NDUFC1: variants seen among roughly 807,000 people sequenced by gnomAD.
The protein encoded by NDUFC1 is NADH:ubiquinone oxidoreductase subunit C1, also known as NADH dehydrogenase [ubiquinone] 1 subunit C1, mitochondrial.
In NDUFC1, 11 loss-of-function variants were observed where a neutral mutation model predicts 11.6. The observed-to-expected ratio is 0.95, with a 90% confidence interval of 0.60 to 1.58. The LOEUF (loss-of-function observed/expected upper bound fraction) is 1.58, where lower values mean the gene tolerates loss of function less well. NDUFC1 is among the 40% of genes most tolerant of loss of function. NDUFC1 has a pLI of 0.00. For missense variants in NDUFC1, 112 were observed against 93.0 expected (o/e 1.20, Z -0.84); for synonymous variants, 52 against 42.2 (o/e 1.23, Z -0.90).
chr4:139,292,490 A>G (rs1220028062), intron 5 of NDUFC1, 40 bp downstream of exon 5: 2 of 1,005,852 alleles, frequency 2.0e-6, no homozygotes, highest in Admixed American at 2.5e-5. Flanking sequence ...GGTCAAGTTA[A>G]TTTGCATAAT....
Position 139,292,730 on chromosome 4 carries a change from T to G in NDUFC1, c.172-121A>C, listed in dbSNP as rs1477096830. 9 of 525,106 alleles carry G rather than the reference T, an allele frequency of 1.7e-5. No homozygotes were observed. In the South Asian group the frequency reaches 3.0e-4, roughly 17 times the overall value. 32.5% of individuals were successfully genotyped at this position (525,106 alleles called of 1,614,324 possible). A position where few individuals can be genotyped will look rare whatever the true frequency, so the allele number is the denominator to read the frequency against. ...TAGTTAGAAATAAAAGGCTAAGAGA[T>G]CCAAAAGTTCAAAAACCAGGAATGG... On this transcript the variant is annotated intron_variant, in intron 4 of 5. Coordinates refer to ENST00000394223, the MANE Select transcript of NDUFC1 (RefSeq NM_001184989.2).
At chr4:139,301,491 G>A (rs1202330653) in intron 1 of NDUFC1, 3 of 452,770 alleles carry the variant, frequency 6.6e-6, no homozygotes, top group African/African-American at 4.1e-5. Flanking sequence ...AAAACCCTCC[G>A]CGTCCGCCAT....
intron 1 of NDUFC1, chr4:139,301,934 G>A (rs1006520281): frequency 4.7e-6 from 6 of 1,279,952 alleles, no homozygotes. Flanking sequence ...TCCCGCCCGG[G>A]ACCCCGCCTT....
At chr4:139,294,724 G>A (rs1745381700) in intron 4 of NDUFC1, among the ~76,000 whole-genome samples, 1 of 140,718 alleles carries the variant, frequency 7.1e-6, no homozygotes, top group Non-Finnish European at 1.5e-5. Flanking sequence ...GACAGAGTGA[G>A]ACTCCATCTC....
At chr4:139,301,653 G>T (rs1745748215) in intron 1 of NDUFC1, 2 of 1,135,620 alleles carry the variant, frequency 1.8e-6, no homozygotes, top group Non-Finnish European at 1.3e-6. Flanking sequence ...GACACCCGAG[G>T]CCTGGTGGTG....
Position 139,295,825 on chromosome 4 carries a change from G to C in NDUFC1, c.-27C>G, listed in dbSNP as rs761605769. 7 of 1,543,530 alleles carry C rather than the reference G, an allele frequency of 4.5e-6. 1 individual carries two copies. Among genetic ancestry groups the C allele is most frequent in the South Asian group, 2.4e-5 (2 of 83,458 alleles). On this transcript the variant is annotated 5_prime_UTR_variant, in exon 3 of 6. Transcript: ENST00000394223. Reference sequence around the variant, plus strand: ...TTGCGTGGCCCAGCTCAGTCTCTCCGAGTTGGCAACAGAACCAGCGCCACC... The same window carrying C: ...TTGCGTGGCCCAGCTCAGTCTCTCCCAGTTGGCAACAGAACCAGCGCCACC...
chr4:139,293,782 T>C (rs753283061), intron 4 of NDUFC1, among the ~76,000 whole-genome samples: 46 of 152,246 alleles, frequency 3.0e-4, no homozygotes, highest in Non-Finnish European at 6.3e-4. Context: ...TTTTCTAGGA[T>C]AGTGTGGCCT....
intron 1 of NDUFC1, chr4:139,301,968 C>T (rs1745780573): frequency 5.5e-6 from 5 of 905,374 alleles, no homozygotes; most frequent in Non-Finnish European, 8.3e-6. Flanking sequence ...AGGCCGAATG[C>T]ATTGCTTTGC....
Position 139,295,026 on chromosome 4 carries a change from G to A in NDUFC1, c.171+17C>T, listed in dbSNP as rs202143886. 9 of 1,588,714 alleles carry A rather than the reference G, an allele frequency of 5.7e-6. No homozygotes were observed. The Admixed American group carries it at 1.0e-4, about 18-fold the overall frequency. On this transcript the variant is annotated intron_variant, in intron 4 of 5. Transcript: ENST00000394223. ...ACGCTGGTGTAGTCTCACGACATCCGGGAGTAAAGTACTTACATAGATCCA... is the reference window on the plus strand; with the variant it reads ...ACGCTGGTGTAGTCTCACGACATCCAGGAGTAAAGTACTTACATAGATCCA...
At position 139,295,868 on chromosome 4, in the gene NDUFC1, G is replaced by A; in HGVS notation, c.-70C>T. ...GCGCCACCTGGCGGCCGGAAGTGCG[G>A]GACTCGAGGGCTCTGCAGCAGAGCT... On this transcript the variant is annotated 5_prime_UTR_variant, in exon 3 of 6. Coordinates refer to ENST00000394223, the MANE Select transcript of NDUFC1 (RefSeq NM_001184989.2). 6.7e-7 allele frequency: 1 copy of A among 1,486,388 alleles called. No individual in the cohort carries two copies. Among genetic ancestry groups the A allele is most frequent in the East Asian group, 2.6e-5 (1 of 38,704 alleles). 92.1% of individuals were successfully genotyped at this position (1,486,388 alleles called of 1,614,324 possible). A position where few individuals can be genotyped will look rare whatever the true frequency, so the allele number is the denominator to read the frequency against.
rs1745744168 is a variant in NDUFC1 at position 139,301,600 on chromosome 4, A to G, written c.-222+816T>C. On this transcript the variant is annotated intron_variant, in intron 1 of 5. Transcript: ENST00000394223. ...GCAGCGTTAAGTGAGAAAGGAAAAA[A>G]GACAACGAGGAAAAAGGAGGTGTCC... The G allele has an allele frequency of 7.6e-6, 5 of 660,988 alleles. No homozygotes were observed. The South Asian group carries it at 7.7e-5, about 10-fold the overall frequency. 40.9% of individuals were successfully genotyped at this position (660,988 alleles called of 1,614,324 possible). A position where few individuals can be genotyped will look rare whatever the true frequency, so the allele number is the denominator to read the frequency against.
chr4:139,294,976 C>T (rs1293382007), intron 4 of NDUFC1, 67 bp downstream of exon 4: 1 of 1,188,752 alleles, frequency 8.4e-7, no homozygotes, highest in East Asian at 2.3e-5. Flanking sequence ...CATTCAATCT[C>T]GCAATGTTAT....
intron 3 of NDUFC1, 102 bp from the exon 4 acceptor site, chr4:139,295,248 TCCC>T: frequency 1.2e-6 from 1 of 837,808 alleles, no homozygotes; most frequent in South Asian, 1.5e-5. Flanking sequence ...TCCCTTCAAC[TCCC>T]CCATCTCCCA....
chr4:139,290,855 C>CA (rs971880386), intron 5 of NDUFC1, among the ~76,000 whole-genome samples: 67 of 151,784 alleles, frequency 4.4e-4, no homozygotes, highest in African/African-American at 1.5e-3. Flanking sequence ...GGCTGGAGTG[C>CA]AGTAGCCCAA....
rs1049189251 is a variant in NDUFC1 at position 139,290,596 on chromosome 4, A to G, written c.*21-504T>C. On this transcript the variant is annotated intron_variant, in intron 5 of 5. Transcript: ENST00000394223. ...AGGATAGTCTGTGATCGCTATGTTT[A>G]TTATACAGCAGATATAAGTTACTTA... Among the ~76,000 whole-genome samples the G allele has an allele frequency of 7.9e-5, 12 of 152,052 alleles. 1 individual carries two copies. The highest frequency in any genetic ancestry group is 1.7e-4 in the African/African-American group (7 of 41,412).
In NDUFC1 at chr4:139,292,526, TTAC is replaced by T. The variant is rs774366352; in HGVS notation, c.*20+1_*20+3del. 3.1e-5 allele frequency: 42 copies of T among 1,373,944 alleles called. No individual in the cohort carries two copies. The highest frequency in any genetic ancestry group is 1.6e-4 in the South Asian group (12 of 77,354). 85.1% of individuals were successfully genotyped at this position (1,373,944 alleles called of 1,614,324 possible). A position where few individuals can be genotyped will look rare whatever the true frequency, so the allele number is the denominator to read the frequency against. On this transcript the variant is annotated splice_donor_variant and splice_donor_region_variant and intron_variant, in intron 5 of 5. Transcript: ENST00000394223. LOFTEE classifies it low-confidence loss of function (3UTR_SPLICE). ...CTATTCATCCAATAAGCTTGTATAC[TTAC>T]TACATTAGTGTTTCAAAAGTTTATT...
At chr4:139,301,156 C>T (rs1186451027) in intron 1 of NDUFC1, 6 of 178,812 alleles carry the variant, frequency 3.4e-5, no homozygotes, top group Non-Finnish European at 7.0e-5. Context: ...AACACCTACA[C>T]CTGTATTTTA....
In NDUFC1 at chr4:139,295,726, A is replaced by G; in HGVS notation, c.67+6T>C. On this transcript the variant is annotated splice_donor_region_variant and intron_variant, in intron 3 of 5. Transcript: ENST00000394223. ...TCGAGTCGGCCTGCACGAGGAGGATACTCACGGCCGCTCGGGAGCCTGGCG... is the reference window on the plus strand; with the variant it reads ...TCGAGTCGGCCTGCACGAGGAGGATGCTCACGGCCGCTCGGGAGCCTGGCG... 3.9e-6 allele frequency: 6 copies of G among 1,541,646 alleles called. No homozygotes were observed. Among genetic ancestry groups the G allele is most frequent in the Non-Finnish European group, 4.4e-6 (5 of 1,143,774 alleles).
intron 1 of NDUFC1, chr4:139,301,477 T>A (rs953744317): frequency 1.6e-5 from 7 of 446,764 alleles, no homozygotes; most frequent in Middle Eastern, 1.1e-3. Context: ...GTGACCCGGG[T>A]GGGAAAACCC....
Sources: gnomAD v4.1 joint callset for allele counts (sites outside exome capture counted in the v4.1 genomes callset) on GRCh38, gnomAD v4.1.1 for gene constraint, MANE v1.5 for transcripts, NCBI Gene and HGNC (gene_info 2026-07-23, HGNC 2026-07-21) for gene names.